HELZ: variants seen among roughly 807,000 people sequenced by gnomAD.
HELZ encodes the protein helicase with zinc finger, also known as ATP-dependent RNA helicase with zinc finger domain.
Under a neutral mutation model 218.2 loss-of-function variants are expected in HELZ, and 23 were observed. The ratio of observed to expected loss-of-function variants is 0.11; its 90% CI spans 0.08 to 0.15. HELZ has a LOEUF of 0.15. Among genes scored for constraint, HELZ ranks in the 10% least tolerant of loss-of-function variants. The pLI is 1.00. For missense variants in HELZ, 1,813 were observed against 2,353.7 expected, an observed-to-expected ratio of 0.77 and a Z score of 4.75; for synonymous variants, 814 against 829.4, an observed-to-expected ratio of 0.98 and a Z score of 0.32.
At chr17:67,126,596 C>T (rs1025611405) in intron 24 of HELZ, among the ~76,000 whole-genome samples, 1 of 152,078 alleles carries the variant, frequency 6.6e-6, no homozygotes, top group African/African-American at 2.4e-5. Context: ...AGCCTGTAAT[C>T]CCAGCACTTT....
chr17:67,199,210 C>CA (rs1406513900), intron 7 of HELZ, among the ~76,000 whole-genome samples: 1 of 122,982 alleles, frequency 8.1e-6, no homozygotes, highest in Non-Finnish European at 1.7e-5. Flanking sequence ...TTTGCCATTA[C>CA]TTTTTTTTTT....
At chr17:67,091,890 C>A (rs2143626636) in intron 31 of HELZ, among the ~76,000 whole-genome samples, 1 of 152,124 alleles carries the variant, frequency 6.6e-6, no homozygotes, top group East Asian at 1.9e-4. Context: ...AATTTAGCTC[C>A]CCCTCAAATT....
rs1202443770 is a variant in HELZ at position 67,107,537 on chromosome 17, T to A, written c.4873A>T (p.Thr1625Ser). 6.2e-7 allele frequency: 1 copy of A among 1,614,190 alleles called. No homozygotes were observed. Among genetic ancestry groups the A allele is most frequent in the South Asian group, 1.1e-5 (1 of 91,086 alleles). The change falls in exon 31 of 33, where the codon ACA becomes TCA. Residue 1625 changes from threonine to serine, a missense_variant. Physicochemically the swap from Thr to Ser is moderately conservative, Grantham distance 58. Around this residue, in one of 4 missense-constraint regions of HELZ, gnomAD observed 938 missense variants for 1,027.5 expected, o/e 0.91. Transcript: ENST00000358691. ...TTAGAAAAGTGGCTACTGTGGTCTGTACTGGATGGGGGAGATGGGACTGCT... is the reference window on the plus strand; with the variant it reads ...TTAGAAAAGTGGCTACTGTGGTCTGAACTGGATGGGGGAGATGGGACTGCT... ...PPAVPSPPSS[T>S]DHSSHFSNFN...
intron 15 of HELZ, among the ~76,000 whole-genome samples, chr17:67,162,965 C>T (rs1412984371): frequency 6.6e-6 from 1 of 152,188 alleles, no homozygotes; most frequent in Non-Finnish European, 1.5e-5. Context: ...AGGCTGATAA[C>T]TCCACCTTTT....
intron 31 of HELZ, among the ~76,000 whole-genome samples, chr17:67,103,897 A>C (rs2037007499): frequency 6.6e-6 from 1 of 152,240 alleles, no homozygotes; most frequent in Non-Finnish European, 1.5e-5. Flanking sequence ...AAAGACAGAC[A>C]CACAGATAAA....
intron 31 of HELZ, among the ~76,000 whole-genome samples, chr17:67,096,811 G>A (rs553009637): frequency 6.6e-6 from 1 of 152,304 alleles, no homozygotes; most frequent in South Asian, 2.1e-4. Context: ...CTCCACATCA[G>A]CCATAAGGCT....
chr17:67,242,433 A>G (rs996637941), intron 2 of HELZ, among the ~76,000 whole-genome samples: 4 of 150,654 alleles, frequency 2.7e-5, no homozygotes, highest in African/African-American at 9.9e-5. Context: ...AAAAAGAAAA[A>G]AAATCTATCT....
At chr17:67,222,564 T>C (rs1198153976) in intron 3 of HELZ, among the ~76,000 whole-genome samples, 1 of 152,174 alleles carries the variant, frequency 6.6e-6, no homozygotes, top group Non-Finnish European at 1.5e-5. Context: ...TGATGACTAG[T>C]TTCCAAGATC....
chr17:67,111,333 T>G (rs2037274029), intron 28 of HELZ, among the ~76,000 whole-genome samples: 1 of 152,182 alleles, frequency 6.6e-6, no homozygotes, highest in East Asian at 1.9e-4. Flanking sequence ...AAATATAAGA[T>G]GGAAAGAGGC....
intron 5 of HELZ, among the ~76,000 whole-genome samples, chr17:67,208,886 A>C (rs1352146614): frequency 6.6e-6 from 1 of 151,574 alleles, no homozygotes; most frequent in Non-Finnish European, 1.5e-5. Context: ...AGCTGAGGTG[A>C]GCTGTGATCA....
At chr17:67,147,254 T>A (rs2038526867) in intron 20 of HELZ, among the ~76,000 whole-genome samples, 1 of 152,190 alleles carries the variant, frequency 6.6e-6, no homozygotes, top group African/African-American at 2.4e-5. Flanking sequence ...TGTGGTGTTA[T>A]TTTATTTGTA....
chr17:67,151,760 T>C (rs77996496), intron 17 of HELZ, among the ~76,000 whole-genome samples: 1 of 152,320 alleles, frequency 6.6e-6, no homozygotes, highest in South Asian at 2.1e-4. Flanking sequence ...TAAGAATAAA[T>C]TTAAAGTTTG....
At chr17:67,119,324 A>C (rs1345121072) in intron 27 of HELZ, among the ~76,000 whole-genome samples, 1 of 152,212 alleles carries the variant, frequency 6.6e-6, no homozygotes, top group African/African-American at 2.4e-5. Context: ...AAAGGAACAA[A>C]CAACTGACAC....
chr17:67,199,711 A>G (rs1162781174), intron 7 of HELZ, among the ~76,000 whole-genome samples: 1 of 152,244 alleles, frequency 6.6e-6, no homozygotes, highest in African/African-American at 2.4e-5. Context: ...TCCAGCTTGT[A>G]TAATCCATGG....
intron 17 of HELZ, among the ~76,000 whole-genome samples, chr17:67,151,563 T>A (rs2038683666): frequency 6.6e-6 from 1 of 152,228 alleles, no homozygotes; most frequent in African/African-American, 2.4e-5. Context: ...AACATTCCCA[T>A]TCTGGAATTA....
In HELZ at chr17:67,188,068, G is replaced by T. The variant is rs1567875068; in HGVS notation, c.1162+251C>A. On this transcript the variant is annotated intron_variant, in intron 12 of 32. Transcript: ENST00000358691. The surrounding 1 kb of genome is among the most constrained non-coding windows in gnomAD (Gnocchi z 4.1). ...GAAATGAAACTGGTAGACCAAAACA[G>T]GTCTGATCATCTACTCATACAAGTT... 2.5e-6 allele frequency: 1 copy of T among 407,164 alleles called. No homozygotes were observed. Among genetic ancestry groups the T allele is most frequent in the Non-Finnish European group, 4.4e-6 (1 of 226,636 alleles). The allele number at this position is 407,164 out of a possible 1,614,324, so 25.2% of individuals were successfully genotyped here. A position where few individuals can be genotyped will look rare whatever the true frequency, so the allele number is the denominator to read the frequency against.
chr17:67,245,636 G>C (rs1598502606), upstream of HELZ: 2 of 598,668 alleles, frequency 3.3e-6, no homozygotes, highest in African/African-American at 4.0e-5. Flanking sequence ...AGCGGCCGGG[G>C]TCGCCTTCAG....
intron 3 of HELZ, among the ~76,000 whole-genome samples, chr17:67,228,437 C>A (rs1489088940): frequency 1.3e-5 from 2 of 152,064 alleles, no homozygotes; most frequent in Non-Finnish European, 2.9e-5. Flanking sequence ...CCCAGGCCAG[C>A]AGATTGCTGA....
At chr17:67,132,562 G>T (rs1007718733) in intron 23 of HELZ, among the ~76,000 whole-genome samples, 2 of 152,178 alleles carry the variant, frequency 1.3e-5, no homozygotes, top group Admixed American at 6.5e-5. Flanking sequence ...GAATCAGGCT[G>T]CCCATTTAAA....
Sources: allele counts gnomAD v4.1 joint callset (sites outside exome capture counted in the v4.1 genomes callset), GRCh38; gene constraint gnomAD v4.1.1; regional missense constraint gnomAD v4.1.1; non-coding constraint Gnocchi (gnomAD v3.1); transcripts MANE v1.5; gene names NCBI Gene and HGNC (gene_info 2026-07-23, HGNC 2026-07-21).